OPN4: variants seen among roughly 807,000 people sequenced by gnomAD.
The protein encoded by OPN4 is melanopsin.
In OPN4, 43 loss-of-function variants were observed where a neutral mutation model predicts 49.5. That is an observed-to-expected ratio of 0.87 (90% CI 0.68 to 1.12). The LOEUF (loss-of-function observed/expected upper bound fraction) is 1.12. Ranked by LOEUF, OPN4 falls within the 50% of genes most tolerant of loss-of-function variation. The pLI is 0.00. For synonymous variants in OPN4, 263 were observed against 258.0 expected, an observed-to-expected ratio of 1.02 and a Z score of -0.19; for missense variants, 657 against 643.9, an observed-to-expected ratio of 1.02 and a Z score of -0.22.
chr10:86,656,155 G>A lies in OPN4; in HGVS notation c.145G>A (p.Ala49Thr), dbSNP rs1423400249. 1.2e-6 allele frequency: 2 copies of A among 1,614,168 alleles called. No individual in the cohort carries two copies. The highest frequency in any genetic ancestry group is 1.7e-6 in the Non-Finnish European group (2 of 1,180,008). ...CCCTCGTTTCTCTGTCTCTCCGCAG[G>A]CACCTGGGACTTGGGCTGCTGCCTG... is the stretch of plus-strand genomic sequence containing the variant. ...LGRLPSISPT[A>T]PGTWAAAWVP... Residue 49 changes from alanine to threonine, a missense_variant and splice_region_variant, in exon 2 of 10, where the codon GCA becomes ACA. Physicochemically the swap from Ala to Thr is moderately conservative, Grantham distance 58. Transcript: ENST00000241891.
chr10:86,664,205 C>G (rs2132310292), intron 9 of OPN4, among the ~76,000 whole-genome samples: 1 of 152,332 alleles, frequency 6.6e-6, no homozygotes, highest in East Asian at 1.9e-4. Flanking sequence ...GGCACATGCT[C>G]TGTCACTGTA....
chr10:86,661,156 T>C (rs140042404), intron 6 of OPN4, 125 bp from the exon 7 acceptor site: 20 of 748,534 alleles, frequency 2.7e-5, no homozygotes, highest in Non-Finnish European at 3.7e-5. Context: ...TTCCTCCCTA[T>C]GGGGCTGACT....
Position 86,662,152 on chromosome 10 carries a change from G to C in OPN4, c.1074-100G>C, listed in dbSNP as rs1020760562. On this transcript the variant is annotated intron_variant, in intron 7 of 9. Transcript: ENST00000241891. Reference sequence around the variant, plus strand: ...CCTCCCCATTTCCCCAGAGGCTCTCGGTCACCGCACATTAGGCCTGTACCA... The same window carrying C: ...CCTCCCCATTTCCCCAGAGGCTCTCCGTCACCGCACATTAGGCCTGTACCA... 12 of 996,022 alleles carry C rather than the reference G, an allele frequency of 1.2e-5. No individual in the cohort carries two copies. In the Admixed American group the frequency reaches 2.8e-4, roughly 23 times the overall value. The allele number at this position is 996,022 out of a possible 1,614,324, so 61.7% of individuals were successfully genotyped here.
At chr10:86,658,394 T>C in intron 3 of OPN4, 90 bp from the exon 4 acceptor site, 1 of 1,441,600 alleles carries the variant, frequency 6.9e-7, no homozygotes, top group Non-Finnish European at 9.5e-7. Flanking sequence ...CGCTCAGTCC[T>C]GCTCTTCCTG....
At chr10:86,658,228 A>G (rs1342503083) in intron 3 of OPN4, 63 bp downstream of exon 3, 16 of 1,589,612 alleles carry the variant, frequency 1.0e-5, no homozygotes, top group Non-Finnish European at 1.3e-5. Flanking sequence ...GGATGCCCTC[A>G]ATGGAGGGTG....
chr10:86,660,748 C>T (rs1317033684), intron 6 of OPN4, among the ~76,000 whole-genome samples: 1 of 152,150 alleles, frequency 6.6e-6, no homozygotes, highest in African/African-American at 2.4e-5. Context: ...GACCTGGGAA[C>T]CTCCACCCCA....
In OPN4 at chr10:86,659,318, T is replaced by A. The variant is rs1843945154; in HGVS notation, c.650T>A (p.Leu217Ter). 4 of 1,613,296 alleles carry A rather than the reference T, an allele frequency of 2.5e-6. No individual in the cohort carries two copies. The highest frequency in any genetic ancestry group is 3.4e-6 in the Non-Finnish European group (4 of 1,179,962). ...FGWSAYVPEG[L>*]LTSCSWDYMS... ...CCAGGCGCCTACGTGCCCGAGGGGT[T>A]GCTGACATCCTGCTCCTGGGACTAC... Residue 217 changes from leucine (L) to a stop codon, truncating the protein, a stop_gained, in exon 5 of 10, where the codon TTG becomes TAG. Transcript: ENST00000241891. LOFTEE classifies it high-confidence loss of function.
chr10:86,658,152 C>G lies in OPN4; in HGVS notation c.411C>G (p.Leu137=). 6.2e-7 allele frequency: 1 copy of G among 1,613,894 alleles called. No individual in the cohort carries two copies. The highest frequency in any genetic ancestry group is 8.5e-7 in the Non-Finnish European group (1 of 1,179,992). The change falls in exon 3 of 10, where the codon CTC becomes CTG. Residue 137 remains leucine (L), a synonymous_variant. Transcript: ENST00000241891. The part of the protein sequence containing the change: ...FFTSSLYKQW[L]FGETGCEFYA... ...CCAGTAGCCTCTATAAGCAGTGGCT[C>G]TTTGGGGAGACAGGTAGATGCTGGG... is the stretch of plus-strand genomic sequence containing the variant.
At chr10:86,658,307 A>C (rs1367136052) in intron 3 of OPN4, 142 bp downstream of exon 3, 2 of 1,291,384 alleles carry the variant, frequency 1.5e-6, no homozygotes, top group African/African-American at 1.5e-5. Context: ...GTGAGTAAGC[A>C]AGAAGGGAAG....
chr10:86,660,939 C>G (rs528109543), intron 6 of OPN4, among the ~76,000 whole-genome samples: 1 of 152,254 alleles, frequency 6.6e-6, no homozygotes, highest in East Asian at 1.9e-4. Context: ...TTAGCCTGGC[C>G]AAAATGGTGA....
At position 86,665,791 on chromosome 10, in the gene OPN4, GC is replaced by G. The variant is rs760059051; in HGVS notation, c.*47del. 2.2e-5 allele frequency: 33 copies of G among 1,525,202 alleles called. No individual in the cohort carries two copies. Among genetic ancestry groups the G allele is most frequent in the Non-Finnish European group, 2.7e-5 (30 of 1,101,146 alleles). 94.5% of individuals were successfully genotyped at this position (1,525,202 alleles called of 1,614,324 possible). A position where few individuals can be genotyped will look rare whatever the true frequency, so the allele number is the denominator to read the frequency against. On this transcript the variant is annotated 3_prime_UTR_variant, in exon 10 of 10. Coordinates refer to ENST00000241891, the MANE Select transcript of OPN4 (RefSeq NM_033282.4). ...CTCCCTTTCTTCTGAGACACATCCA[GC>G]CCCCCCACGTCTCCCTCATATACAC...
In OPN4 at chr10:86,661,291, G is replaced by T; in HGVS notation, c.976G>T (p.Val326Phe). The T allele has an allele frequency of 6.2e-7, 1 of 1,613,802 alleles. No homozygotes were observed. The highest frequency in any genetic ancestry group is 8.5e-7 in the Non-Finnish European group (1 of 1,179,840). ...CCTTCTCTGTCCTAGGTACGCACAC[G>T]TCCTGACACCCTACATGAGCTCGGT... ...ALVAFAGYAH[V>F]LTPYMSSVPA... The change falls in exon 7 of 10, where the codon GTC becomes TTC. Residue 326 changes from valine (V) to phenylalanine (F), a missense_variant. Val to Phe is a conservative substitution (Grantham distance 50). Transcript: ENST00000241891.
chr10:86,666,079 G>T lies in OPN4; in HGVS notation c.*328G>T. 2.7e-6 allele frequency: 1 copy of T among 369,364 alleles called. No homozygotes were observed. The highest frequency in any genetic ancestry group is 4.5e-5 in the Admixed American group (1 of 22,148). The allele number at this position is 369,364 out of a possible 1,614,324, so 22.9% of individuals were successfully genotyped here. The stretch of plus-strand genomic sequence containing the variant: ...TGCAATTGTCCAGGCGATGACAATG[G>T]TGATGGCTCCAGAGAACACACCAGC... On this transcript the variant is annotated 3_prime_UTR_variant, in exon 10 of 10. Coordinates refer to ENST00000241891, the MANE Select transcript of OPN4 (RefSeq NM_033282.4).
At chr10:86,660,080 T>C (rs753954510) in intron 6 of OPN4, 21 bp downstream of exon 6, 1 of 1,613,472 alleles carries the variant, frequency 6.2e-7, no homozygotes, top group South Asian at 1.1e-5. Context: ...GCTAAAGGGT[T>C]GGGGAAGAGG....
chr10:86,659,824 A>G, intron 5 of OPN4, 71 bp from the exon 6 acceptor site: 1 of 1,516,322 alleles, frequency 6.6e-7, no homozygotes, highest in South Asian at 1.1e-5. Flanking sequence ...GAGGCTCCCC[A>G]ACAGCAGCCG....
chr10:86,655,264 C>T (rs566075765), intron 1 of OPN4, among the ~76,000 whole-genome samples: 2 of 152,302 alleles, frequency 1.3e-5, no homozygotes, highest in Admixed American at 1.3e-4. Flanking sequence ...GGAGGGCACA[C>T]CCTGGGCCTC....
chr10:86,660,197 T>G, intron 6 of OPN4, 138 bp downstream of exon 6: 7 of 985,406 alleles, frequency 7.1e-6, no homozygotes, highest in Non-Finnish European at 1.0e-5. Context: ...GCTTATTCTC[T>G]CCCTGGGTAA....
intron 1 of OPN4, 147 bp from the exon 2 acceptor site, chr10:86,656,008 C>G: frequency 1.0e-6 from 1 of 1,000,596 alleles, no homozygotes; most frequent in South Asian, 1.5e-5. Flanking sequence ...CTTTTGGCCA[C>G]TTGTGAGCTG....
Position 86,658,566 on chromosome 10 carries a change from C to T in OPN4, c.507C>T (p.Tyr169=). Residue 169 remains tyrosine (Y), a synonymous_variant, in exon 4 of 10, where the codon TAC becomes TAT. Transcript: ENST00000241891. ...TGACGGCCATCGCCCTGGACCGCTA[C>T]CTGGTAATCACACGCCCGCTGGCCA... The part of the protein sequence containing the change: ...ITLTAIALDR[Y]LVITRPLATF... 1 of 1,614,234 alleles carries T rather than the reference C, an allele frequency of 6.2e-7. No individual in the cohort carries two copies. Among genetic ancestry groups the T allele is most frequent in the Non-Finnish European group, 8.5e-7 (1 of 1,180,044 alleles).
Sources: gnomAD v4.1 joint callset for allele counts (sites outside exome capture counted in the v4.1 genomes callset) on GRCh38, gnomAD v4.1.1 for gene constraint, MANE v1.5 for transcripts, NCBI Gene and HGNC (gene_info 2026-07-23, HGNC 2026-07-21) for gene names.